Variants in DPP6 observed in about 807,000 individuals in gnomAD.
DPP6 encodes dipeptidyl peptidase like 6, also known as A-type potassium channel modulatory protein DPP6.
Under a neutral mutation model 122.6 loss-of-function variants are expected in DPP6, and 69 were observed. The ratio of observed to expected loss-of-function variants is 0.56; its 90% CI spans 0.46 to 0.69. DPP6 has a LOEUF of 0.69. Ranked by LOEUF, DPP6 falls within the 30% of genes least tolerant of loss-of-function variation. DPP6 has a pLI of 0.00. For synonymous variants in DPP6, 418 were observed against 433.1 expected (o/e 0.97, Z 0.43); for missense variants, 928 against 1,116.9 (o/e 0.83, Z 2.41).
At chr7:154,656,523 C>T (rs563488071) in intron 6 of DPP6, among the ~76,000 whole-genome samples, 80 of 152,256 alleles carry the variant, frequency 5.3e-4, no homozygotes, top group African/African-American at 1.8e-3. Context: ...GACTTTGGCA[C>T]CTCGATGGAC....
At chr7:154,237,297 A>G (rs1026473464) in intron 1 of DPP6, among the ~76,000 whole-genome samples, 1 of 152,244 alleles carries the variant, frequency 6.6e-6, no homozygotes, top group Admixed American at 6.5e-5. Flanking sequence ...TCTGGAAATA[A>G]AATGAAGGGG....
chr7:154,140,330 A>G (rs1288636581), intron 1 of DPP6, among the ~76,000 whole-genome samples: 1 of 152,236 alleles, frequency 6.6e-6, no homozygotes, highest in Middle Eastern at 3.2e-3. Flanking sequence ...GATTTTATTC[A>G]CACCAAGTTT....
At chr7:153,802,718 A>G in the DPP6 span, among the ~76,000 whole-genome samples, 1 of 152,142 alleles carries the variant, frequency 6.6e-6, no homozygotes, top group Non-Finnish European at 1.5e-5. Context: ...CTGAAGAAAA[A>G]CCTGTTTTGA....
chr7:154,297,648 A>G (rs1315600151), intron 1 of DPP6, among the ~76,000 whole-genome samples: 1 of 152,254 alleles, frequency 6.6e-6, no homozygotes, highest in Admixed American at 6.5e-5. Flanking sequence ...AACAGTGCCC[A>G]GTACACAGCA....
intron 7 of DPP6, among the ~76,000 whole-genome samples, chr7:154,722,704 G>A (rs1412751666): frequency 1.3e-5 from 2 of 152,064 alleles, no homozygotes; most frequent in Admixed American, 6.6e-5. Flanking sequence ...CTTGGGGATG[G>A]TGCGTGGACT....
At chr7:154,034,561 G>A (rs1412942335) in intron 1 of DPP6, among the ~76,000 whole-genome samples, 1 of 152,216 alleles carries the variant, frequency 6.6e-6, no homozygotes, top group East Asian at 1.9e-4. Context: ...GTATGTTTGA[G>A]ATCAATGATT....
At chr7:154,591,133 G>A (rs751030767) in intron 5 of DPP6, among the ~76,000 whole-genome samples, 14 of 152,194 alleles carry the variant, frequency 9.2e-5, no homozygotes, top group Non-Finnish European at 1.3e-4. Flanking sequence ...GTGCAAAGAC[G>A]AGGCCACAAG....
At chr7:154,451,956 C>T (rs1228740997) in intron 2 of DPP6, among the ~76,000 whole-genome samples, 1 of 152,228 alleles carries the variant, frequency 6.6e-6, no homozygotes, top group Non-Finnish European at 1.5e-5. Context: ...TGCATCCACT[C>T]TCCTGCAATA....
chr7:154,591,131 A>T (rs1363959219), intron 5 of DPP6, among the ~76,000 whole-genome samples: 1 of 152,224 alleles, frequency 6.6e-6, no homozygotes, highest in Non-Finnish European at 1.5e-5. Context: ...TGGTGCAAAG[A>T]CGAGGCCACA....
intron 1 of DPP6, among the ~76,000 whole-genome samples, chr7:154,240,777 G>A (rs549854848): frequency 5.3e-5 from 8 of 152,204 alleles, no homozygotes; most frequent in South Asian, 2.1e-4. Context: ...TAATGTGTAC[G>A]GTGGTAATTC....
the DPP6 span, among the ~76,000 whole-genome samples, chr7:153,873,532 A>G: frequency 1.3e-5 from 2 of 152,222 alleles, no homozygotes; most frequent in Non-Finnish European, 2.9e-5. Context: ...AAATAAACAT[A>G]ACTTTGCAAC....
At chr7:154,259,768 C>T (rs1490913426) in intron 1 of DPP6, among the ~76,000 whole-genome samples, 1 of 152,182 alleles carries the variant, frequency 6.6e-6, no homozygotes, top group East Asian at 1.9e-4. Context: ...CTGTTCATTT[C>T]TCATTCAATA....
chr7:154,273,334 C>T (rs939577704), intron 1 of DPP6, among the ~76,000 whole-genome samples: 2 of 152,152 alleles, frequency 1.3e-5, no homozygotes, highest in African/African-American at 4.8e-5. Flanking sequence ...GGACCACAGG[C>T]ACACATCCCC....
the DPP6 span, among the ~76,000 whole-genome samples, chr7:153,852,427 A>C: frequency 2.0e-5 from 3 of 152,060 alleles, no homozygotes; most frequent in African/African-American, 7.2e-5. Flanking sequence ...GGAGCAAGAG[A>C]GTGGGAGCTG....
chr7:153,757,561 G>T, the DPP6 span, among the ~76,000 whole-genome samples: 1 of 152,222 alleles, frequency 6.6e-6, no homozygotes. Context: ...TCAGGTGGGT[G>T]GGCACCGCTC....
chr7:154,298,921 G>A (rs1411145497), intron 1 of DPP6, among the ~76,000 whole-genome samples: 2 of 152,178 alleles, frequency 1.3e-5, no homozygotes, highest in South Asian at 2.1e-4. Context: ...GTTCTCATCC[G>A]CGAGACCCTC....
intron 3 of DPP6, among the ~76,000 whole-genome samples, chr7:154,488,820 G>C (rs1355606608): frequency 6.6e-6 from 1 of 152,064 alleles, no homozygotes; most frequent in Non-Finnish European, 1.5e-5. Context: ...TATCATCCTG[G>C]TCTCTTTTCC....
intron 1 of DPP6, among the ~76,000 whole-genome samples, chr7:154,189,219 C>A (rs1199908806): frequency 1.3e-5 from 2 of 152,168 alleles, no homozygotes; most frequent in Non-Finnish European, 2.9e-5. Flanking sequence ...AACCAACCAA[C>A]CAGGATAGTT....
At chr7:154,240,049 G>T in intron 1 of DPP6, among the ~76,000 whole-genome samples, 2 of 139,598 alleles carry the variant, frequency 1.4e-5, no homozygotes, top group South Asian at 2.3e-4. Context: ...GTGATACAAG[G>T]ATTTTCAGCT....
Sources: allele counts gnomAD v4.1 joint callset (sites outside exome capture counted in the v4.1 genomes callset), GRCh38; gene constraint gnomAD v4.1.1; transcripts MANE v1.5; gene names NCBI Gene and HGNC (gene_info 2026-07-23, HGNC 2026-07-21).